The following NSD3 variants were observed in gnomAD, a reference collection of about 807,000 sequenced individuals.
NSD3 encodes nuclear receptor binding SET domain protein 3.
In NSD3, 24 loss-of-function variants were observed where a neutral mutation model predicts 160.8. That is an observed-to-expected ratio of 0.15 (90% CI 0.11 to 0.21). The LOEUF (loss-of-function observed/expected upper bound fraction) is 0.21, where lower values mean the gene tolerates loss of function less well. NSD3 is among the 10% of genes least tolerant of loss of function. The pLI is 1.00. For synonymous variants in NSD3, 520 were observed against 600.0 expected, an observed-to-expected ratio of 0.87 and a Z score of 1.95; for missense variants, 1,157 against 1,735.9, an observed-to-expected ratio of 0.67 and a Z score of 5.93.
At chr8:38,278,139 C>T (rs548098516) in intron 22 of NSD3, among the ~76,000 whole-genome samples, 167 bp downstream of exon 22, 11 of 152,094 alleles carry the variant, frequency 7.2e-5, no homozygotes, top group Middle Eastern at 3.4e-3. Context: ...GGGGTTTCAC[C>T]GTGTTAGCCA....
chr8:38,377,789 C>CCGTG (rs1455155647), intron 1 of NSD3, among the ~76,000 whole-genome samples: 1 of 152,070 alleles, frequency 6.6e-6, no homozygotes. Context: ...CAAAAATTAG[C>CCGTG]CGGCACGGTG....
chr8:38,380,282 A>G (rs1811503396), intron 1 of NSD3, among the ~76,000 whole-genome samples: 1 of 152,232 alleles, frequency 6.6e-6, no homozygotes, highest in Non-Finnish European at 1.5e-5. Context: ...TTAAAAATAC[A>G]TACATTTCTA....
intron 1 of NSD3, among the ~76,000 whole-genome samples, chr8:38,376,236 A>G (rs1230181817): frequency 1.3e-5 from 2 of 152,178 alleles, no homozygotes; most frequent in African/African-American, 4.8e-5. Context: ...ACACACCTCA[A>G]GATAACTTGG....
intron 7 of NSD3, among the ~76,000 whole-genome samples, chr8:38,326,293 G>C (rs1374324077): frequency 6.6e-6 from 1 of 152,224 alleles, no homozygotes; most frequent in African/African-American, 2.4e-5. Flanking sequence ...TTAGGCTCTA[G>C]GCCCCTCAGC....
At chr8:38,306,836 C>T (rs1019785523) in intron 12 of NSD3, among the ~76,000 whole-genome samples, 3 of 152,006 alleles carry the variant, frequency 2.0e-5, no homozygotes, top group Non-Finnish European at 2.9e-5. Context: ...AAAAAACGGC[C>T]AGGCGCGGTG....
chr8:38,285,135 G>A (rs1218102261), intron 19 of NSD3, among the ~76,000 whole-genome samples: 2 of 152,040 alleles, frequency 1.3e-5, no homozygotes, highest in Non-Finnish European at 2.9e-5. Flanking sequence ...CCTTAAAATA[G>A]ACCACAGCAA....
rs1809761880 is a variant in NSD3 at position 38,320,087 on chromosome 8, T to C, written c.1809+985A>G. The stretch of plus-strand genomic sequence containing the variant: ...ATTTCCTAAGTATGAAATATGAAAG[T>C]TAATATGATAAATGAATGACAAATT... On this transcript the variant is annotated intron_variant, in intron 8 of 23. Transcript: ENST00000317025. The C allele has an allele frequency of 2.0e-5, 3 of 152,176 alleles. No homozygotes were observed. In the South Asian group the frequency reaches 6.2e-4, roughly 31 times the overall value. The allele number at this position is 152,176 out of a possible 1,614,324, so 9.4% of individuals were successfully genotyped here. A position where few individuals can be genotyped will look rare whatever the true frequency, so the allele number is the denominator to read the frequency against.
chr8:38,290,840 T>C, intron 16 of NSD3, 163 bp from the exon 17 acceptor site: 3 of 619,866 alleles, frequency 4.8e-6, no homozygotes, highest in African/African-American at 1.8e-5. Context: ...ATTAATGAAA[T>C]AGTGAACACA....
chr8:38,289,464 G>T lies in NSD3; in HGVS notation c.3160C>A (p.Gln1054Lys). 2 of 1,613,550 alleles carry T rather than the reference G, an allele frequency of 1.2e-6. No homozygotes were observed. The highest frequency in any genetic ancestry group is 1.7e-6 in the Non-Finnish European group (2 of 1,179,856). The change falls in exon 18 of 24, where the codon CAA becomes AAA. Residue 1054 changes from glutamine to lysine, a missense_variant. Gln to Lys is a moderately conservative substitution (Grantham distance 53). This residue lies in a region of NSD3 where 437 missense variants were observed against 576.6 expected (regional missense o/e 0.76). Transcript: ENST00000317025. Reference protein sequence around the residue: ...AAKRFQELKAQRESKEALEIE... With the variant: ...AAKRFQELKAKRESKEALEIE... ...TCTAGGGCTTCTTTACTTTCTCTTT[G>T]TGCTTTCAATTCCTGGAAACGTTTT...
intron 1 of NSD3, among the ~76,000 whole-genome samples, chr8:38,356,299 G>A (rs180927189): frequency 6.5e-4 from 99 of 152,276 alleles, no homozygotes; most frequent in Non-Finnish European, 1.2e-3. Context: ...ATCAATCAAA[G>A]CTTTAGTGCT....
At chr8:38,293,613 T>C in intron 16 of NSD3, among the ~76,000 whole-genome samples, 1 of 151,304 alleles carries the variant, frequency 6.6e-6, no homozygotes, top group South Asian at 2.1e-4. Flanking sequence ...TTACAGTATA[T>C]TTAAAATTTT....
intron 5 of NSD3, 100 bp downstream of exon 5, chr8:38,331,331 G>A: frequency 7.6e-7 from 1 of 1,323,572 alleles, no homozygotes; most frequent in Non-Finnish European, 9.9e-7. Flanking sequence ...TTTAAAAAAA[G>A]GATTCTAATA....
At position 38,329,825 on chromosome 8, in the gene NSD3, T is replaced by C; in HGVS notation, c.1134A>G (p.Ala378=). The C allele has an allele frequency of 6.2e-7, 1 of 1,613,312 alleles. No individual in the cohort carries two copies. The highest frequency in any genetic ancestry group is 8.5e-7 in the Non-Finnish European group (1 of 1,179,728). The change falls in exon 6 of 24, where the codon GCA becomes GCG. Residue 378 remains alanine, a synonymous_variant. Coordinates refer to ENST00000317025, the MANE Select transcript of NSD3 (RefSeq NM_023034.2). The surrounding 1 kb of genome is among the most constrained non-coding windows in gnomAD (Gnocchi z 4.8). ...WDIGIAHAEK[A]LKMTREERIE... is the part of the protein sequence containing the mutation. ...TTCTTTCTTCTCGAGTCATTTTCAATGCTTTCTCTGCATGGGCAATGCCAA... is the reference window on the plus strand; with the variant it reads ...TTCTTTCTTCTCGAGTCATTTTCAACGCTTTCTCTGCATGGGCAATGCCAA...
chr8:38,363,177 T>G (rs1811026665), intron 1 of NSD3, among the ~76,000 whole-genome samples: 1 of 152,162 alleles, frequency 6.6e-6, no homozygotes, highest in South Asian at 2.1e-4. Flanking sequence ...CCCTAGTATG[T>G]GAGGGAAGAA....
At position 38,316,950 on chromosome 8, in the gene NSD3, T is replaced by C; in HGVS notation, c.1856-908A>G. The stretch of plus-strand genomic sequence containing the variant: ...AAATGTGCAGATCAGGCACGGTGAA[T>C]ACCAAGGAACCAAGGAGACGGTTAA... On this transcript the variant is annotated intron_variant, in intron 9 of 23. Transcript: ENST00000317025. The surrounding 1 kb of genome is among the most constrained non-coding windows in gnomAD (Gnocchi z 4.5). The C allele has an allele frequency of 5.7e-6, 6 of 1,061,202 alleles. No homozygotes were observed. Among genetic ancestry groups the C allele is most frequent in the Non-Finnish European group, 6.8e-6 (6 of 876,612 alleles). The allele number at this position is 1,061,202 out of a possible 1,614,324, so 65.7% of individuals were successfully genotyped here. A position where few individuals can be genotyped will look rare whatever the true frequency, so the allele number is the denominator to read the frequency against.
In NSD3 at chr8:38,337,478, G is replaced by C; in HGVS notation, c.748-11C>G. 1 of 1,535,924 alleles carries C rather than the reference G, an allele frequency of 6.5e-7. No homozygotes were observed. The highest frequency in any genetic ancestry group is 8.7e-7 in the Non-Finnish European group (1 of 1,148,554). ...TAGTATTGGCTGAACCTACAGGAAA[G>C]GGTCAAAAAACTTCATCAGAAATTC... On this transcript the variant is annotated splice_polypyrimidine_tract_variant and intron_variant, in intron 3 of 23. Coordinates refer to ENST00000317025, the MANE Select transcript of NSD3 (RefSeq NM_023034.2).
Position 38,314,696 on chromosome 8 carries a change from T to G in NSD3, c.2193A>C (p.Gly731=). 1 of 1,614,186 alleles carries G rather than the reference T, an allele frequency of 6.2e-7. No homozygotes were observed. The highest frequency in any genetic ancestry group is 8.5e-7 in the Non-Finnish European group (1 of 1,180,032). The stretch of plus-strand genomic sequence containing the variant: ...ACTTGCTATCAGGAAGTGATGCCAA[T>G]CCCAGGCACTCCAGGTGAAAGTGTT... ...CCKHFHLECL[G]LASLPDSKFI... is the part of the protein sequence containing the mutation. Residue 731 remains glycine (G), a synonymous_variant, in exon 12 of 24, where the codon GGA becomes GGC. Coordinates refer to ENST00000317025, the MANE Select transcript of NSD3 (RefSeq NM_023034.2).
intron 6 of NSD3, among the ~76,000 whole-genome samples, chr8:38,328,290 T>C (rs1809965010): frequency 6.6e-6 from 1 of 152,212 alleles, no homozygotes; most frequent in Non-Finnish European, 1.5e-5. Context: ...TAGCATTCTT[T>C]GGGGTGGTAG....
chr8:38,295,286 G>GT (rs1809108339), intron 16 of NSD3, among the ~76,000 whole-genome samples: 1 of 151,976 alleles, frequency 6.6e-6, no homozygotes, highest in Non-Finnish European at 1.5e-5. Context: ...AAGTTGGTGG[G>GT]CATGGTGGCT....
Sources: allele counts gnomAD v4.1 joint callset (sites outside exome capture counted in the v4.1 genomes callset), GRCh38; gene constraint gnomAD v4.1.1; regional missense constraint gnomAD v4.1.1; non-coding constraint Gnocchi (gnomAD v3.1); transcripts MANE v1.5; gene names NCBI Gene and HGNC (gene_info 2026-07-23, HGNC 2026-07-21).